Variants in GPC5 observed in about 807,000 individuals in gnomAD.
GPC5 encodes glypican 5.
GPC5 carries 47 observed loss-of-function variants against 53.9 expected under a neutral mutation model. The observed-to-expected ratio is 0.87, with a 90% CI of 0.69 to 1.11. The LOEUF is 1.11. Among genes scored for constraint, GPC5 ranks in the 50% most tolerant of loss-of-function variants. The pLI is 0.00. For synonymous variants in GPC5, 286 were observed against 263.3 expected, an observed-to-expected ratio of 1.09 and a Z score of -0.84; for missense variants, 748 against 713.1, an observed-to-expected ratio of 1.05 and a Z score of -0.56.
At chr13:91,677,320 A>G (rs1164763849) in intron 2 of GPC5, among the ~76,000 whole-genome samples, 1 of 152,224 alleles carries the variant, frequency 6.6e-6, no homozygotes, top group African/African-American at 2.4e-5. Context: ...CTGCAGCTCC[A>G]CACAGAAACT....
At chr13:92,724,410 T>A (rs1489647407) in intron 7 of GPC5, among the ~76,000 whole-genome samples, 2 of 151,700 alleles carry the variant, frequency 1.3e-5, no homozygotes, top group African/African-American at 2.4e-5. Context: ...TGCATATTTT[T>A]AATATTTTGA....
At chr13:92,267,556 G>A (rs2139150406) in intron 7 of GPC5, among the ~76,000 whole-genome samples, 1 of 152,104 alleles carries the variant, frequency 6.6e-6, no homozygotes, top group Admixed American at 6.5e-5. Context: ...CCAAATCTTA[G>A]TAAAACCTGG....
chr13:91,939,770 A>C (rs924397033), intron 6 of GPC5, among the ~76,000 whole-genome samples: 3 of 152,122 alleles, frequency 2.0e-5, no homozygotes, highest in African/African-American at 4.8e-5. Flanking sequence ...CAAGACTACC[A>C]CGAGGGCTGA....
intron 7 of GPC5, among the ~76,000 whole-genome samples, chr13:92,682,521 T>C (rs1887142055): frequency 6.6e-6 from 1 of 152,236 alleles, no homozygotes; most frequent in Non-Finnish European, 1.5e-5. Flanking sequence ...TCTTTTACTG[T>C]TCTTAATGTA....
At chr13:92,582,078 T>C (rs1440772900) in intron 7 of GPC5, among the ~76,000 whole-genome samples, 2 of 152,140 alleles carry the variant, frequency 1.3e-5, no homozygotes. Flanking sequence ...TGTCTATTTT[T>C]GCTTTGTACT....
intron 7 of GPC5, among the ~76,000 whole-genome samples, chr13:92,178,029 A>T (rs2042120696): frequency 6.6e-6 from 1 of 152,190 alleles, no homozygotes; most frequent in African/African-American, 2.4e-5. Context: ...AAAGACTGAA[A>T]CTATTCTGGC....
intron 7 of GPC5, among the ~76,000 whole-genome samples, chr13:92,253,226 A>G (rs1323238061): frequency 6.6e-6 from 1 of 152,090 alleles, no homozygotes; most frequent in African/African-American, 2.4e-5. Context: ...GGAGGTAACA[A>G]AGAAAAGAGT....
chr13:92,839,094 A>C (rs1045685373), intron 7 of GPC5, among the ~76,000 whole-genome samples: 1 of 152,164 alleles, frequency 6.6e-6, no homozygotes, highest in Non-Finnish European at 1.5e-5. Context: ...TATTTCAAAA[A>C]CTTCAGCACT....
chr13:92,428,210 G>T (rs556136134), intron 7 of GPC5, among the ~76,000 whole-genome samples: 2 of 152,178 alleles, frequency 1.3e-5, no homozygotes, highest in East Asian at 3.9e-4. Flanking sequence ...AATGGATGTG[G>T]CTCTGCTGAT....
intron 7 of GPC5, among the ~76,000 whole-genome samples, chr13:92,731,574 T>C (rs1338121272): frequency 1.3e-5 from 2 of 151,412 alleles, no homozygotes; most frequent in African/African-American, 4.8e-5. Context: ...CAAGATATCA[T>C]GAAGCTCCTA....
At chr13:92,225,804 TTTTC>T (rs971153782) in intron 7 of GPC5, among the ~76,000 whole-genome samples, 26 of 152,208 alleles carry the variant, frequency 1.7e-4, no homozygotes, top group African/African-American at 6.3e-4. Flanking sequence ...TATGTCTTTT[TTTTC>T]TTTATTTCTT....
intron 6 of GPC5, among the ~76,000 whole-genome samples, chr13:91,938,749 T>C (rs968289033): frequency 9.9e-5 from 15 of 152,160 alleles, no homozygotes; most frequent in African/African-American, 3.6e-4. Flanking sequence ...CTTACATCAC[T>C]GTTTGCTATT....
chr13:91,440,188 T>A (rs772127519), intron 1 of GPC5, among the ~76,000 whole-genome samples: 31 of 152,234 alleles, frequency 2.0e-4, no homozygotes, highest in Admixed American at 7.2e-4. Flanking sequence ...AGCCCTGTTT[T>A]CTCTCTTCTT....
intron 7 of GPC5, among the ~76,000 whole-genome samples, chr13:92,480,246 A>C (rs1477913979): frequency 6.6e-6 from 1 of 152,186 alleles, no homozygotes; most frequent in South Asian, 2.1e-4. Context: ...ATTTGTATGG[A>C]GTTCAGTGCA....
At chr13:92,631,542 T>C (rs1885239884) in intron 7 of GPC5, among the ~76,000 whole-genome samples, 1 of 152,162 alleles carries the variant, frequency 6.6e-6, no homozygotes, top group Non-Finnish European at 1.5e-5. Context: ...TAATATATTG[T>C]TCTCTGTACA....
At chr13:92,121,441 C>A (rs922747640) in intron 6 of GPC5, among the ~76,000 whole-genome samples, 1 of 152,206 alleles carries the variant, frequency 6.6e-6, no homozygotes, top group Non-Finnish European at 1.5e-5. Context: ...TCTCACCGAG[C>A]CTCTTCTGGA....
intron 7 of GPC5, among the ~76,000 whole-genome samples, chr13:92,356,038 T>C (rs1566554003): frequency 2.6e-5 from 4 of 152,166 alleles, no homozygotes; most frequent in Admixed American, 1.3e-4. Context: ...TTTTACCCTA[T>C]TTTAGATTCT....
intron 5 of GPC5, among the ~76,000 whole-genome samples, chr13:91,879,142 AT>A (rs1403094572): frequency 2.0e-5 from 3 of 152,130 alleles, no homozygotes; most frequent in Non-Finnish European, 4.4e-5. Flanking sequence ...ATAAATAATT[AT>A]TTTTTTAAAT....
chr13:91,782,119 C>A (rs2037807427), intron 5 of GPC5, among the ~76,000 whole-genome samples: 1 of 152,108 alleles, frequency 6.6e-6, no homozygotes, highest in Non-Finnish European at 1.5e-5. Flanking sequence ...TTTTAGAATT[C>A]TTTTTGAAAT....
Sources: gnomAD v4.1 joint callset for allele counts (sites outside exome capture counted in the v4.1 genomes callset) on GRCh38, gnomAD v4.1.1 for gene constraint, MANE v1.5 for transcripts, NCBI Gene and HGNC (gene_info 2026-07-23, HGNC 2026-07-21) for gene names.